MAD1L1: variants seen among roughly 807,000 people sequenced by gnomAD.
The protein encoded by MAD1L1 is mitotic arrest deficient 1 like 1.
Under a neutral mutation model 96.9 loss-of-function variants are expected in MAD1L1, and 95 were observed. The observed-to-expected ratio is 0.98, with a 90% CI of 0.83 to 1.16. The LOEUF (loss-of-function observed/expected upper bound fraction) is 1.16. Among genes scored for constraint, MAD1L1 ranks in the 50% most tolerant of loss-of-function variants. MAD1L1 has a pLI of 0.00. For synonymous variants in MAD1L1, 473 were observed against 396.6 expected (o/e 1.19, Z -2.29); for missense variants, 1,007 against 954.4 (o/e 1.06, Z -0.73).
At chr7:2,197,369 A>AG (rs1256134609) in intron 10 of MAD1L1, among the ~76,000 whole-genome samples, 1 of 152,112 alleles carries the variant, frequency 6.6e-6, no homozygotes, top group Non-Finnish European at 1.5e-5. Flanking sequence ...ACCCAGCACC[A>AG]GGCCTGCACA....
At chr7:1,993,227 G>T (rs968505846) in intron 14 of MAD1L1, among the ~76,000 whole-genome samples, 1 of 152,176 alleles carries the variant, frequency 6.6e-6, no homozygotes, top group Non-Finnish European at 1.5e-5. Flanking sequence ...TGACATGCAG[G>T]TGACTGAGAT....
chr7:1,820,207 C>T (rs1369527019), intron 18 of MAD1L1, among the ~76,000 whole-genome samples: 2 of 151,686 alleles, frequency 1.3e-5, no homozygotes, highest in Non-Finnish European at 2.9e-5. Flanking sequence ...TGGGATGCCT[C>T]GAAGGAAATA....
chr7:2,105,412 G>T (rs1019752248), intron 11 of MAD1L1, among the ~76,000 whole-genome samples: 1 of 136,828 alleles, frequency 7.3e-6, no homozygotes, highest in Non-Finnish European at 1.6e-5. Flanking sequence ...TGGCCTGGCA[G>T]CAGCAGGCAG....
intron 18 of MAD1L1, among the ~76,000 whole-genome samples, chr7:1,861,002 C>T (rs1784517854): frequency 6.6e-6 from 1 of 152,218 alleles, no homozygotes; most frequent in Admixed American, 6.5e-5. Context: ...CGATGGAGTC[C>T]ACCTCTGTCC....
At chr7:1,890,230 C>T (rs1033053210) in intron 18 of MAD1L1, among the ~76,000 whole-genome samples, 1 of 152,226 alleles carries the variant, frequency 6.6e-6, no homozygotes, top group African/African-American at 2.4e-5. Context: ...CCTGACAAGT[C>T]TCATATTGAA....
chr7:2,150,264 C>T (rs1411895930), intron 10 of MAD1L1, among the ~76,000 whole-genome samples: 2 of 152,120 alleles, frequency 1.3e-5, no homozygotes, highest in Non-Finnish European at 2.9e-5. Context: ...GCAGCCTGCC[C>T]GGGAGCTCCT....
At chr7:1,988,743 C>A (rs1713360307) in intron 14 of MAD1L1, among the ~76,000 whole-genome samples, 1 of 152,206 alleles carries the variant, frequency 6.6e-6, no homozygotes, top group African/African-American at 2.4e-5. Context: ...GGACAGGATT[C>A]CCGGCGGCCA....
chr7:1,943,998 A>G (rs1476419203), intron 16 of MAD1L1, among the ~76,000 whole-genome samples: 1 of 152,206 alleles, frequency 6.6e-6, no homozygotes, highest in African/African-American at 2.4e-5. Flanking sequence ...ACCGACACCT[A>G]TGACCACATG....
rs764353611 is a variant in MAD1L1 at position 1,936,673 on chromosome 7, TG to T, written c.1807+13del. On this transcript the variant is annotated intron_variant, in intron 17 of 18. Transcript: ENST00000265854. ...GGTCGAGGATGGCAGGGACCGGGGG[TG>T]GGGGGTGCCTACCTGCCACCTCCTT... is the stretch of plus-strand genomic sequence containing the variant. 2.6e-5 allele frequency: 40 copies of T among 1,543,220 alleles called. No individual in the cohort carries two copies. Among genetic ancestry groups the T allele is most frequent in the Non-Finnish European group, 3.1e-5 (35 of 1,146,248 alleles).
intron 18 of MAD1L1, among the ~76,000 whole-genome samples, chr7:1,868,847 C>T (rs770402971): frequency 6.6e-5 from 10 of 152,282 alleles, no homozygotes; most frequent in East Asian, 1.9e-4. Context: ...AGGGGCCCAG[C>T]GGTGCAAGCC....
At chr7:2,075,514 G>T (rs1336293401) in intron 11 of MAD1L1, among the ~76,000 whole-genome samples, 2 of 152,114 alleles carry the variant, frequency 1.3e-5, no homozygotes, top group African/African-American at 4.8e-5. Context: ...GAACTCTGAG[G>T]TCACTGGCAT....
At chr7:2,128,474 G>A (rs1788345869) in intron 11 of MAD1L1, among the ~76,000 whole-genome samples, 1 of 152,178 alleles carries the variant, frequency 6.6e-6, no homozygotes, top group South Asian at 2.1e-4. Context: ...GAACAGGAAG[G>A]CTGCTTCTGG....
intron 16 of MAD1L1, among the ~76,000 whole-genome samples, chr7:1,951,695 C>T (rs1017109476): frequency 5.3e-5 from 8 of 152,080 alleles, no homozygotes; most frequent in Middle Eastern, 3.2e-3. Context: ...TAGCCTGTGT[C>T]CTTCTGGGAC....
At chr7:1,954,736 G>A (rs1358469858) in intron 16 of MAD1L1, among the ~76,000 whole-genome samples, 2 of 152,258 alleles carry the variant, frequency 1.3e-5, no homozygotes, top group South Asian at 2.1e-4. Flanking sequence ...TCCTTCACAC[G>A]CAGGCTCCCT....
chr7:2,166,249 C>A lies in MAD1L1; in HGVS notation c.987-17011G>T, dbSNP rs138649004. Among the ~76,000 whole-genome samples the A allele has an allele frequency of 5.9e-3, 892 of 152,336 alleles. 8 individuals are homozygous for A. Among genetic ancestry groups the A allele is most frequent in the Non-Finnish European group, 5.3e-3 (362 of 68,028 alleles). ...TCTCTCTGAGCTGTCCACAAGTCAG[C>A]AACTTGGCTCAACTGCTGCAGGGAC... On this transcript the variant is annotated intron_variant, in intron 10 of 18. Coordinates refer to ENST00000265854, the MANE Select transcript of MAD1L1 (RefSeq NM_001013836.2).
At chr7:1,971,352 G>A (rs993328582) in intron 15 of MAD1L1, among the ~76,000 whole-genome samples, 1 of 152,080 alleles carries the variant, frequency 6.6e-6, no homozygotes, top group Non-Finnish European at 1.5e-5. Context: ...GAATTCTCTC[G>A]CACAGAAGTC....
At chr7:1,992,765 G>T (rs750245458) in intron 14 of MAD1L1, among the ~76,000 whole-genome samples, 1 of 152,214 alleles carries the variant, frequency 6.6e-6, no homozygotes, top group African/African-American at 2.4e-5. Flanking sequence ...CCAAGGGAAA[G>T]TCCCAGTGTC....
intron 10 of MAD1L1, among the ~76,000 whole-genome samples, chr7:2,154,154 C>CA (rs1364566411): frequency 1.3e-4 from 20 of 150,688 alleles, no homozygotes; most frequent in South Asian, 8.4e-4. Flanking sequence ...GACTCCATCT[C>CA]AAAAAAAAAG....
At chr7:1,888,457 CATGT>C (rs1204243951) in intron 18 of MAD1L1, among the ~76,000 whole-genome samples, 3 of 135,900 alleles carry the variant, frequency 2.2e-5, no homozygotes, top group Non-Finnish European at 1.5e-5. Flanking sequence ...TGTGTGCACG[CATGT>C]ATGTGGCTGC....
Sources: allele counts gnomAD v4.1 joint callset (sites outside exome capture counted in the v4.1 genomes callset), GRCh38; gene constraint gnomAD v4.1.1; transcripts MANE v1.5; gene names NCBI Gene and HGNC (gene_info 2026-07-23, HGNC 2026-07-21).